Variants in LSP1 observed in about 807,000 individuals in gnomAD.
LSP1 encodes lymphocyte-specific protein 1.
LSP1 carries 32 observed loss-of-function variants against 49.3 expected under a neutral mutation model. That is an observed-to-expected ratio of 0.65 (90% CI 0.49 to 0.87). The LOEUF (loss-of-function observed/expected upper bound fraction) is 0.87, where lower values mean the gene tolerates loss of function less well. Ranked by LOEUF, LSP1 falls within the 40% of genes least tolerant of loss-of-function variation. LSP1 has a pLI of 0.00. For synonymous variants in LSP1, 179 were observed against 178.8 expected (o/e 1.00, Z -0.01); for missense variants, 428 against 442.6 (o/e 0.97, Z 0.30).
intron 1 of LSP1, chr11:1,870,829 T>C (rs1847966220): frequency 2.0e-6 from 2 of 987,592 alleles, no homozygotes; most frequent in African/African-American, 3.5e-5. Context: ...CAGGGACTGG[T>C]TGCGTGTCCC....
intron 1 of LSP1, among the ~76,000 whole-genome samples, chr11:1,855,666 C>G (rs948701303): frequency 3.3e-5 from 5 of 152,230 alleles, no homozygotes; most frequent in African/African-American, 1.2e-4. Context: ...CGGCTACCAG[C>G]CAGGCTGGAC....
chr11:1,874,088 A>AGAGGAGGGAGGCTGGCG lies in LSP1; in HGVS notation c.54-5996_54-5995insGAGGGAGGCTGGCGGAG, dbSNP rs1848192142. Among the ~76,000 whole-genome samples, 9 of 24,008 alleles carry AGAGGAGGGAGGCTGGCG rather than the reference A, an allele frequency of 3.7e-4. 1 individual carries two copies. Among genetic ancestry groups the AGAGGAGGGAGGCTGGCG allele is most frequent in the Non-Finnish European group, 6.0e-4 (7 of 11,744 alleles). 15.8% of individuals were successfully genotyped at this position (24,008 alleles called of 152,430 possible). On this transcript the variant is annotated intron_variant, in intron 1 of 10. Transcript: ENST00000311604. Reference sequence around the variant, plus strand: ...AGGCCGGCAGAGGAGGGAGGCCGGCAGAGCAGGGAGGCCGGCAGAGGAGGG... The same window carrying AGAGGAGGGAGGCTGGCG: ...AGGCCGGCAGAGGAGGGAGGCCGGCAGAGGAGGGAGGCTGGCGGAGCAGGGAGGCCGGCAGAGGAGGG...
At chr11:1,885,904 ACTC>A (rs1848731244) in intron 7 of LSP1, among the ~76,000 whole-genome samples, 1 of 150,544 alleles carries the variant, frequency 6.6e-6, no homozygotes, top group Non-Finnish European at 1.5e-5. Flanking sequence ...ACCAACCAAT[ACTC>A]CTCCATCCAA....
At chr11:1,869,363 G>A (rs1437606552) in intron 1 of LSP1, 1 of 311,816 alleles carries the variant, frequency 3.2e-6, no homozygotes, top group Non-Finnish European at 6.4e-6. Flanking sequence ...AAGAAAGAAA[G>A]CGAAGGCACG....
Position 1,884,364 on chromosome 11 carries a change from A to C in LSP1, c.635+41A>C. On this transcript the variant is annotated intron_variant, in intron 6 of 10. Coordinates refer to ENST00000311604, the MANE Select transcript of LSP1 (RefSeq NM_002339.3). This position sits in a 1 kb window ranked among gnomAD's most constrained non-coding sequence, Gnocchi z 4.1. ...TGTCTGCTTTCTGGGCTCAGATCTTAGGTTTAACCAAGTGGGGGTTGAAGG... is the reference window on the plus strand; with the variant it reads ...TGTCTGCTTTCTGGGCTCAGATCTTCGGTTTAACCAAGTGGGGGTTGAAGG... 1 of 1,613,624 alleles carries C rather than the reference A, an allele frequency of 6.2e-7. No homozygotes were observed. The highest frequency in any genetic ancestry group is 8.5e-7 in the Non-Finnish European group (1 of 1,179,710).
chr11:1,866,759 G>C, intron 1 of LSP1: 3 of 1,550,524 alleles, frequency 1.9e-6, no homozygotes, highest in Non-Finnish European at 2.6e-6. Flanking sequence ...AGGCTCACCA[G>C]TGCTACTTAA....
At chr11:1,886,665 G>A (rs1437178035) in intron 7 of LSP1, 67 bp from the exon 8 acceptor site, 14 of 1,496,598 alleles carry the variant, frequency 9.4e-6, no homozygotes, top group East Asian at 2.4e-5. Flanking sequence ...GTTGCCCAGT[G>A]TGACCCTCTG....
intron 1 of LSP1, among the ~76,000 whole-genome samples, chr11:1,873,500 T>TGGAGGGAGGGATGGAG (rs1848130821): frequency 1.1e-5 from 1 of 94,790 alleles, no homozygotes; most frequent in Non-Finnish European, 2.0e-5. Flanking sequence ...TAAGGAAAGA[T>TGGAGGGAGGGATGGAG]GGAGGGAGGG....
intron 10 of LSP1, chr11:1,888,506 G>A (rs1589834301): frequency 1.3e-5 from 2 of 152,314 alleles, no homozygotes; most frequent in African/African-American, 2.4e-5. Flanking sequence ...TGGGCCGAGA[G>A]AGAGGTCACG....
chr11:1,857,406 A>G (rs599774), intron 1 of LSP1, among the ~76,000 whole-genome samples: 54,336 of 152,024 alleles, frequency 0.36, 10,076 homozygotes, highest in East Asian at 0.53. Flanking sequence ...GCCTGTCTCC[A>G]CCTCAGTTCC....
In LSP1 at chr11:1,884,238, C is replaced by G. The variant is rs1848663225; in HGVS notation, c.592-42C>G. 6.2e-7 allele frequency: 1 copy of G among 1,611,856 alleles called. No individual in the cohort carries two copies. Among genetic ancestry groups the G allele is most frequent in the African/African-American group, 1.3e-5 (1 of 74,838 alleles). ...CTGGGGAGATGGAGGGTGGGCTTTA[C>G]CTCGGCTGCTGCAGGCCTGTGTCTC... is the stretch of plus-strand genomic sequence containing the variant. On this transcript the variant is annotated intron_variant, in intron 5 of 10. Transcript: ENST00000311604. This position sits in a 1 kb window ranked among gnomAD's most constrained non-coding sequence, Gnocchi z 4.1.
chr11:1,853,644 G>A (rs1847416543), intron 1 of LSP1, among the ~76,000 whole-genome samples: 1 of 152,208 alleles, frequency 6.6e-6, no homozygotes, highest in African/African-American at 2.4e-5. Flanking sequence ...CTATCTGAGA[G>A]GGGCTATCCT....
chr11:1,868,604 A>G (rs1165046632), intron 1 of LSP1: 3 of 970,886 alleles, frequency 3.1e-6, no homozygotes, highest in African/African-American at 1.8e-5. Flanking sequence ...ACAGTGTCCA[A>G]AAGGGTGTGG....
chr11:1,867,559 A>G (rs1172448940), intron 1 of LSP1, among the ~76,000 whole-genome samples: 4 of 151,858 alleles, frequency 2.6e-5, no homozygotes, highest in African/African-American at 9.7e-5. Context: ...CTTCAAGGCC[A>G]CTCAGCCGGG....
intron 1 of LSP1, among the ~76,000 whole-genome samples, chr11:1,871,860 G>A (rs377095642): frequency 4.3e-4 from 58 of 135,592 alleles, no homozygotes; most frequent in African/African-American, 5.7e-4. Flanking sequence ...GGCCTGGGCT[G>A]TAGTCACCCT....
chr11:1,890,581 G>A (rs565675265), intron 10 of LSP1: 9 of 707,088 alleles, frequency 1.3e-5, no homozygotes, highest in African/African-American at 1.2e-4. Context: ...GCCGATATGA[G>A]CATGACTGTG....
rs377168424 is a variant in LSP1 at position 1,877,819 on chromosome 11, A to G, written c.54-2268A>G. On this transcript the variant is annotated intron_variant, in intron 1 of 10. Transcript: ENST00000311604. The stretch of plus-strand genomic sequence containing the variant: ...TTGGGTGTGCACCTGCGTGTGCCCC[A>G]GGCCTAGGGAGTCCTGCGCCCGGCC... Among the ~76,000 whole-genome samples, 10 of 152,292 alleles carry G rather than the reference A, an allele frequency of 6.6e-5. No individual in the cohort carries two copies. In the East Asian group the frequency reaches 1.4e-3, roughly 21 times the overall value.
intron 1 of LSP1, among the ~76,000 whole-genome samples, chr11:1,874,117 C>T (rs1848196050): frequency 7.1e-6 from 1 of 140,902 alleles, no homozygotes; most frequent in East Asian, 2.1e-4. Context: ...AGGAGGGAGG[C>T]TGGGGACAGT....
chr11:1,858,660 C>T lies in LSP1; in HGVS notation c.53+5463C>T, dbSNP rs1403005944. 3.3e-5 allele frequency among the ~76,000 whole-genome samples: 5 copies of T among 152,196 alleles called. No individual in the cohort carries two copies. The South Asian group carries it at 6.2e-4, about 19-fold the overall frequency. On this transcript the variant is annotated intron_variant, in intron 1 of 10. Coordinates refer to ENST00000311604, the MANE Select transcript of LSP1 (RefSeq NM_002339.3). Reference sequence around the variant, plus strand: ...GGGAAGCGAGCGGGCTGGAGAGGCTCGGCCAGGGGGCAGCCCAGCAGGGCC... The same window carrying T: ...GGGAAGCGAGCGGGCTGGAGAGGCTTGGCCAGGGGGCAGCCCAGCAGGGCC...
Sources: allele counts gnomAD v4.1 joint callset (sites outside exome capture counted in the v4.1 genomes callset), GRCh38; gene constraint gnomAD v4.1.1; non-coding constraint Gnocchi (gnomAD v3.1); transcripts MANE v1.5; gene names NCBI Gene and HGNC (gene_info 2026-07-23, HGNC 2026-07-21).